The following DTNBP1 variants were observed in gnomAD, a reference collection of about 807,000 sequenced individuals.
DTNBP1 encodes dystrobrevin binding protein 1, also known as dysbindin.
Under a neutral mutation model 42.8 loss-of-function variants are expected in DTNBP1, and 35 were observed. The ratio of observed to expected loss-of-function variants is 0.82; its 90% CI spans 0.63 to 1.09. The LOEUF (loss-of-function observed/expected upper bound fraction) is 1.09. Among genes scored for constraint, DTNBP1 ranks in the 50% least tolerant of loss-of-function variants. The pLI is 0.00. For synonymous variants in DTNBP1, 171 were observed against 162.2 expected, an observed-to-expected ratio of 1.05 and a Z score of -0.41; for missense variants, 457 against 424.2, an observed-to-expected ratio of 1.08 and a Z score of -0.68.
intron 7 of DTNBP1, 37 bp downstream of exon 7, chr6:15,593,022 T>C: frequency 6.4e-7 from 1 of 1,569,912 alleles, no homozygotes; most frequent in Non-Finnish European, 8.7e-7. Flanking sequence ...CAATGAACTC[T>C]CAACTACTTT....
At chr6:15,553,624 CCAT>C (rs1774345364) in intron 7 of DTNBP1, among the ~76,000 whole-genome samples, 1 of 96,188 alleles carries the variant, frequency 1.0e-5, no homozygotes, top group Non-Finnish European at 2.1e-5. Flanking sequence ...GACAGCTTTG[CCAT>C]TTCTTAAATT....
intron 6 of DTNBP1, among the ~76,000 whole-genome samples, chr6:15,607,393 C>G (rs926006864): frequency 6.6e-6 from 1 of 152,176 alleles, no homozygotes; most frequent in East Asian, 1.9e-4. Context: ...CCTCCACCTC[C>G]GGAGTTCAAG....
At chr6:15,591,623 T>G (rs566829027) in intron 7 of DTNBP1, among the ~76,000 whole-genome samples, 1 of 152,220 alleles carries the variant, frequency 6.6e-6, no homozygotes, top group Non-Finnish European at 1.5e-5. Context: ...TGAATTATTC[T>G]ATCGGGTAAT....
At chr6:15,527,066 ATAAT>A (rs142583423) in intron 8 of DTNBP1, among the ~76,000 whole-genome samples, 306 of 152,290 alleles carry the variant, frequency 2.0e-3, no homozygotes, top group African/African-American at 6.2e-3. Context: ...GAGGAAACAA[ATAAT>A]TAAGAAGAAA....
chr6:15,656,722 T>C (rs1467351745), intron 1 of DTNBP1, among the ~76,000 whole-genome samples: 2 of 152,028 alleles, frequency 1.3e-5, no homozygotes, highest in African/African-American at 2.4e-5. Context: ...CACTGCAGCC[T>C]GGGTGACAGA....
chr6:15,596,979 C>T (rs1449232667), intron 6 of DTNBP1, among the ~76,000 whole-genome samples: 5 of 152,196 alleles, frequency 3.3e-5, no homozygotes, highest in Non-Finnish European at 1.5e-5. Context: ...CCACTTCTCT[C>T]CATCGTCACT....
intron 9 of DTNBP1, 106 bp downstream of exon 9, chr6:15,524,420 G>C (rs1254051731): frequency 6.2e-7 from 1 of 1,614,000 alleles, no homozygotes; most frequent in African/African-American, 1.3e-5. Context: ...TGTGAGCTTG[G>C]GGGTTTATGC....
chr6:15,576,328 G>A (rs1443732665), intron 7 of DTNBP1, among the ~76,000 whole-genome samples: 1 of 151,864 alleles, frequency 6.6e-6, no homozygotes, highest in East Asian at 1.9e-4. Context: ...TCACCATGTT[G>A]GCCAGGCTGG....
chr6:15,652,032 A>G, intron 2 of DTNBP1, 55 bp downstream of exon 2: 3 of 1,497,598 alleles, frequency 2.0e-6, no homozygotes, highest in East Asian at 4.5e-5. Context: ...TGAATACACC[A>G]AAAGTTGTAT....
intron 4 of DTNBP1, among the ~76,000 whole-genome samples, chr6:15,628,221 T>C (rs547569423): frequency 2.0e-5 from 3 of 152,052 alleles, no homozygotes; most frequent in African/African-American, 2.4e-5. Context: ...TAGAAAGACT[T>C]AGAAGGAGCA....
At chr6:15,569,101 C>T (rs1775223515) in intron 7 of DTNBP1, among the ~76,000 whole-genome samples, 1 of 152,172 alleles carries the variant, frequency 6.6e-6, no homozygotes, top group South Asian at 2.1e-4. Flanking sequence ...TGTAATCAGG[C>T]TGCACTTTGA....
At chr6:15,533,612 C>G in intron 7 of DTNBP1, 2 of 726,284 alleles carry the variant, frequency 2.8e-6, no homozygotes, top group Non-Finnish European at 4.9e-6. Flanking sequence ...GCCCTTCGTT[C>G]CACACCTTTG....
rs116337462 is a variant in DTNBP1, at chr6:15,587,287, T to C, written c.511+5772A>G. Among the ~76,000 whole-genome samples the C allele has an allele frequency of 0.022, 3,302 of 152,262 alleles. 41 individuals are homozygous for C. Among genetic ancestry groups the C allele is most frequent in the Middle Eastern group, 0.096 (28 of 292 alleles). ...ATGGATACATTCCATGTTCATGGAT[T>C]GAAAGACTCACTATCATTAAGATGA... is the stretch of plus-strand genomic sequence containing the variant. On this transcript the variant is annotated intron_variant, in intron 7 of 9. Transcript: ENST00000344537. This position sits in a 1 kb window ranked among gnomAD's most constrained non-coding sequence, Gnocchi z 4.1.
intron 7 of DTNBP1, among the ~76,000 whole-genome samples, chr6:15,550,609 T>C (rs1774161218): frequency 6.6e-6 from 1 of 152,252 alleles, no homozygotes; most frequent in African/African-American, 2.4e-5. Context: ...GGAAACCTCA[T>C]TATTTCCAGA....
At chr6:15,609,270 A>G (rs1758257973) in intron 6 of DTNBP1, among the ~76,000 whole-genome samples, 1 of 151,892 alleles carries the variant, frequency 6.6e-6, no homozygotes, top group Non-Finnish European at 1.5e-5. Context: ...ATAAATACAA[A>G]ATGGGCTCTT....
chr6:15,540,848 T>C (rs1454418734), intron 7 of DTNBP1, among the ~76,000 whole-genome samples: 1 of 152,180 alleles, frequency 6.6e-6, no homozygotes, highest in Non-Finnish European at 1.5e-5. Flanking sequence ...TTCACCATGT[T>C]AGACAAGATG....
rs750017061 is a variant in DTNBP1, at chr6:15,629,673, A to G, written c.223-2198T>C. ...CCAGACCCTGTGCTAAGTAATTTAC[A>G]TATATTATCTCATTTAAACCACACA... On this transcript the variant is annotated intron_variant, in intron 4 of 9. Coordinates refer to ENST00000344537, the MANE Select transcript of DTNBP1 (RefSeq NM_032122.5). 2.2e-4 allele frequency among the ~76,000 whole-genome samples: 33 copies of G among 152,316 alleles called. 1 individual carries two copies. Among genetic ancestry groups the G allele is most frequent in the Middle Eastern group, 6.8e-3 (2 of 294 alleles).
intron 7 of DTNBP1, chr6:15,548,450 C>G (rs867661744): frequency 5.1e-4 from 77 of 150,480 alleles, no homozygotes; most frequent in African/African-American, 1.8e-3. Context: ...CACACACACA[C>G]ACACACACAC....
intron 4 of DTNBP1, among the ~76,000 whole-genome samples, chr6:15,635,633 A>G (rs1279086492): frequency 1.3e-5 from 2 of 152,230 alleles, no homozygotes; most frequent in African/African-American, 4.8e-5. Context: ...TTACAGATAA[A>G]AATTCATCGA....
Sources: allele counts gnomAD v4.1 joint callset (sites outside exome capture counted in the v4.1 genomes callset), GRCh38; gene constraint gnomAD v4.1.1; non-coding constraint Gnocchi (gnomAD v3.1); transcripts MANE v1.5; gene names NCBI Gene and HGNC (gene_info 2026-07-23, HGNC 2026-07-21).